Variants in VIT observed in about 807,000 individuals in gnomAD.
The protein encoded by VIT is vitrin.
VIT carries 99 observed loss-of-function variants against 78.0 expected under a neutral mutation model. The ratio of observed to expected loss-of-function variants is 1.27; its 90% CI spans 1.08 to 1.50. The LOEUF (loss-of-function observed/expected upper bound fraction) is 1.50. Ranked by LOEUF, VIT falls within the 40% of genes most tolerant of loss-of-function variation. The probability of loss-of-function intolerance (pLI) is 0.00; values close to 1 mark genes in which losing one functional copy is unlikely to be tolerated. For missense variants in VIT, 1,126 were observed against 875.3 expected (o/e 1.29, Z -3.61); for synonymous variants, 374 against 334.3 (o/e 1.12, Z -1.29).
At chr2:36,727,251 T>G (rs1666913074) in intron 2 of VIT, among the ~76,000 whole-genome samples, 1 of 152,160 alleles carries the variant, frequency 6.6e-6, no homozygotes, top group Non-Finnish European at 1.5e-5. Context: ...GCTTTTTTTA[T>G]GTTCCCTGCA....
intron 3 of VIT, among the ~76,000 whole-genome samples, chr2:36,737,186 G>A (rs1017706968): frequency 6.6e-6 from 1 of 152,148 alleles, no homozygotes; most frequent in Admixed American, 6.5e-5. Flanking sequence ...TACAGGCAGA[G>A]GTTGGGAAAG....
chr2:36,756,390 T>C (rs1452630901), intron 5 of VIT, among the ~76,000 whole-genome samples: 2 of 152,166 alleles, frequency 1.3e-5, no homozygotes, highest in Non-Finnish European at 2.9e-5. Flanking sequence ...ATTAGGTGCC[T>C]TGGGACTGTC....
chr2:36,715,126 C>A (rs1351648224), intron 1 of VIT, among the ~76,000 whole-genome samples: 1 of 152,132 alleles, frequency 6.6e-6, no homozygotes, highest in Non-Finnish European at 1.5e-5. Flanking sequence ...CCCATGGCTG[C>A]CATAGTCTCT....
intron 6 of VIT, among the ~76,000 whole-genome samples, chr2:36,766,406 C>A (rs1005383157): frequency 1.3e-5 from 2 of 152,110 alleles, no homozygotes; most frequent in African/African-American, 4.8e-5. Flanking sequence ...GTGTCTTGCA[C>A]CTGTAGTCCC....
intron 8 of VIT, 36 bp from the exon 9 acceptor site, chr2:36,774,966 G>T (rs752614127): frequency 5.0e-6 from 8 of 1,608,502 alleles, no homozygotes; most frequent in Non-Finnish European, 5.9e-6. Context: ...CCTGCTGGTT[G>T]TGTGTAAATC....
At chr2:36,748,500 AT>A (rs1337582673) in intron 4 of VIT, among the ~76,000 whole-genome samples, 1 of 152,072 alleles carries the variant, frequency 6.6e-6, no homozygotes, top group Admixed American at 6.5e-5. Context: ...AAGCTTGGAG[AT>A]TCTTTCCTCA....
intron 6 of VIT, among the ~76,000 whole-genome samples, chr2:36,764,696 C>T (rs1271041727): frequency 6.6e-6 from 1 of 152,172 alleles, no homozygotes; most frequent in Non-Finnish European, 1.5e-5. Flanking sequence ...TCCAGGAATA[C>T]TGTTTGCTGA....
chr2:36,730,024 G>A (rs949673007), intron 3 of VIT, among the ~76,000 whole-genome samples: 7 of 152,118 alleles, frequency 4.6e-5, no homozygotes, highest in Non-Finnish European at 7.4e-5. Context: ...GGCCAGCGAC[G>A]GTGGCTTATG....
At chr2:36,739,699 G>A (rs543276836) in intron 3 of VIT, among the ~76,000 whole-genome samples, 2 of 152,244 alleles carry the variant, frequency 1.3e-5, no homozygotes, top group South Asian at 2.1e-4. Context: ...AAGTGAGAGC[G>A]TCTATGAGAA....
At chr2:36,752,830 C>T (rs1389845267) in intron 4 of VIT, among the ~76,000 whole-genome samples, 1 of 152,184 alleles carries the variant, frequency 6.6e-6, no homozygotes, top group African/African-American at 2.4e-5. Flanking sequence ...GCAGAAATAC[C>T]ATTTGACCCA....
chr2:36,808,525 C>G lies in VIT; in HGVS notation c.1443C>G (p.Gly481=). The part of the protein sequence containing the change: ...FYSLHVQSWF[G]LHKTLQPLVK... ...CGCTCCACGTGCAGAGCTGGTTTGG[C>G]CTCCACAAGACCCTGCAGCCTCTGG... Residue 481 remains glycine, a synonymous_variant, in exon 15 of 16, where the codon GGC becomes GGG. Coordinates refer to ENST00000379242, the MANE Select transcript of VIT (RefSeq NM_053276.4). The G allele has an allele frequency of 6.2e-7, 1 of 1,613,792 alleles. No individual in the cohort carries two copies. Among genetic ancestry groups the G allele is most frequent in the Non-Finnish European group, 8.5e-7 (1 of 1,179,856 alleles).
intron 13 of VIT, among the ~76,000 whole-genome samples, chr2:36,802,751 T>C (rs1444238605): frequency 6.6e-6 from 1 of 152,236 alleles, no homozygotes; most frequent in African/African-American, 2.4e-5. Flanking sequence ...GCATACGTTT[T>C]TCAGTGGATG....
intron 7 of VIT, among the ~76,000 whole-genome samples, chr2:36,767,912 AG>A (rs916660785): frequency 6.6e-6 from 1 of 152,182 alleles, no homozygotes; most frequent in Admixed American, 6.5e-5. Context: ...TTTTCTAGCA[AG>A]GGGGCGAAAA....
At chr2:36,770,836 T>C (rs889373019) in intron 7 of VIT, among the ~76,000 whole-genome samples, 1 of 152,200 alleles carries the variant, frequency 6.6e-6, no homozygotes. Context: ...TCAGCTGAGC[T>C]AGCATTGAAC....
chr2:36,725,602 T>TG (rs112932967), intron 2 of VIT, among the ~76,000 whole-genome samples: 739 of 48,800 alleles, frequency 0.015, 7 homozygotes, highest in East Asian at 0.046. Flanking sequence ...AGTTGAGGGG[T>TG]GGGGGGGGGG....
At chr2:36,699,769 C>G (rs1558495969) in intron 1 of VIT, among the ~76,000 whole-genome samples, 1 of 152,060 alleles carries the variant, frequency 6.6e-6, no homozygotes, top group Non-Finnish European at 1.5e-5. Flanking sequence ...CAATATAACC[C>G]CATTCGGAAA....
intron 2 of VIT, among the ~76,000 whole-genome samples, chr2:36,719,527 T>C (rs573081209): frequency 1.3e-5 from 2 of 152,256 alleles, no homozygotes; most frequent in Non-Finnish European, 2.9e-5. Flanking sequence ...AGCACCTCTA[T>C]ACACTAACAA....
chr2:36,795,645 C>T (rs1232037792), intron 12 of VIT, among the ~76,000 whole-genome samples: 1 of 152,072 alleles, frequency 6.6e-6, no homozygotes, highest in Non-Finnish European at 1.5e-5. Flanking sequence ...GAACTCCTGA[C>T]CTCAGGTGAT....
intron 2 of VIT, among the ~76,000 whole-genome samples, chr2:36,722,299 T>G (rs897570742): frequency 1.3e-5 from 2 of 152,152 alleles, no homozygotes; most frequent in African/African-American, 4.8e-5. Flanking sequence ...AAACTCGCAT[T>G]CTGGTTCCAA....
Sources: gnomAD v4.1 joint callset for allele counts (sites outside exome capture counted in the v4.1 genomes callset) on GRCh38, gnomAD v4.1.1 for gene constraint, MANE v1.5 for transcripts, NCBI Gene and HGNC (gene_info 2026-07-23, HGNC 2026-07-21) for gene names.